The following DGKG variants were observed in gnomAD, a reference collection of about 807,000 sequenced individuals.
DGKG encodes DAG kinase gamma.
DGKG carries 78 observed loss-of-function variants against 105.3 expected under a neutral mutation model. The ratio of observed to expected loss-of-function variants is 0.74; its 90% CI spans 0.62 to 0.89. The LOEUF is 0.89. DGKG is among the 40% of genes least tolerant of loss of function. DGKG has a pLI of 0.00. For synonymous variants in DGKG, 346 were observed against 367.1 expected, an observed-to-expected ratio of 0.94 and a Z score of 0.66; for missense variants, 958 against 1,020.1, an observed-to-expected ratio of 0.94 and a Z score of 0.83.
At chr3:186,177,133 A>G (rs1226136770) in intron 22 of DGKG, among the ~76,000 whole-genome samples, 2 of 152,116 alleles carry the variant, frequency 1.3e-5, no homozygotes, top group Non-Finnish European at 2.9e-5. Flanking sequence ...TAGTCTCCTC[A>G]CTGGCCTTGT....
At chr3:186,309,997 G>T (rs1016347945) in intron 2 of DGKG, among the ~76,000 whole-genome samples, 1 of 150,982 alleles carries the variant, frequency 6.6e-6, no homozygotes, top group African/African-American at 2.4e-5. Context: ...AGCCGGGCGC[G>T]GTGGCTCACG....
chr3:186,230,259 AAAAC>A lies in DGKG; in HGVS notation c.1826+12241_1826+12244del, dbSNP rs555305452. On this transcript the variant is annotated intron_variant, in intron 20 of 24. Transcript: ENST00000265022. ...GGCAACAGAGCGAGACTCCGTCTCAAAAACAAACAAACAAACAAACAAACAAAAC... is the reference window on the plus strand; with the variant it reads ...GGCAACAGAGCGAGACTCCGTCTCAAAAACAAACAAACAAACAAACAAAAC... Among the ~76,000 whole-genome samples, 417 of 152,306 alleles carry A rather than the reference AAAAC, an allele frequency of 2.7e-3. 1 individual carries two copies. The highest frequency in any genetic ancestry group is 6.8e-3 in the African/African-American group (283 of 41,568).
rs1428284383 is a variant in DGKG, at chr3:186,210,183, G to T, written c.1917+1612C>A. Among the ~76,000 whole-genome samples the T allele has an allele frequency of 6.6e-6, 1 of 152,216 alleles. No homozygotes were observed. Among genetic ancestry groups the T allele is most frequent in the Non-Finnish European group, 1.5e-5 (1 of 68,038 alleles). Reference sequence around the variant, plus strand: ...TCTGGGCACAATTTCAAGGCCAGCTGCAGGGAGAACAAGCAGTCGCTGTGC... The same window carrying T: ...TCTGGGCACAATTTCAAGGCCAGCTTCAGGGAGAACAAGCAGTCGCTGTGC... On this transcript the variant is annotated intron_variant, in intron 21 of 24. Transcript: ENST00000265022. This position sits in a 1 kb window ranked among gnomAD's most constrained non-coding sequence, Gnocchi z 5.2.
chr3:186,337,199 A>T (rs1725870465), intron 1 of DGKG, among the ~76,000 whole-genome samples: 1 of 152,336 alleles, frequency 6.6e-6, no homozygotes, highest in East Asian at 1.9e-4. Flanking sequence ...GACCAACCTC[A>T]TCTAAATAGA....
chr3:186,274,484 C>T (rs1722482214), intron 10 of DGKG, among the ~76,000 whole-genome samples: 1 of 151,110 alleles, frequency 6.6e-6, no homozygotes, highest in Non-Finnish European at 1.5e-5. Context: ...GTGTGCTACA[C>T]CCATTAACTC....
At chr3:186,213,185 C>A (rs1328646389) in intron 20 of DGKG, among the ~76,000 whole-genome samples, 6 of 152,194 alleles carry the variant, frequency 3.9e-5, no homozygotes, top group African/African-American at 1.4e-4. Flanking sequence ...TAAGAGTAAG[C>A]AAGCTCTGGG....
At position 186,159,047 on chromosome 3, in the gene DGKG, A is replaced by G. The variant is rs556103190; in HGVS notation, c.2277+2556T>C. On this transcript the variant is annotated intron_variant, in intron 24 of 24. Transcript: ENST00000265022. ...CATTTTAGATGTATCTTTTGTAAGA[A>G]GCATATATTTGGATTTTCATTTTTA... is the stretch of plus-strand genomic sequence containing the variant. 4 of 220,072 alleles carry G rather than the reference A, an allele frequency of 1.8e-5. No individual in the cohort carries two copies. The South Asian group carries it at 6.5e-4, about 36-fold the overall frequency. The allele number at this position is 220,072 out of a possible 1,614,324, so 13.6% of individuals were successfully genotyped here. A position where few individuals can be genotyped will look rare whatever the true frequency, so the allele number is the denominator to read the frequency against.
At chr3:186,335,175 G>A (rs528640308) in intron 1 of DGKG, among the ~76,000 whole-genome samples, 8 of 152,196 alleles carry the variant, frequency 5.3e-5, no homozygotes, top group African/African-American at 1.7e-4. Context: ...GGATTCAAGC[G>A]ATTCTCCTGC....
chr3:186,279,331 G>A (rs1722725965), intron 9 of DGKG: 1 of 152,472 alleles, frequency 6.6e-6, no homozygotes, highest in Non-Finnish European at 1.5e-5. Flanking sequence ...GCTCCTTAGG[G>A]TCAGAACCTC....
chr3:186,294,844 G>A (rs1268651060), intron 5 of DGKG, among the ~76,000 whole-genome samples: 3 of 152,166 alleles, frequency 2.0e-5, no homozygotes, highest in Non-Finnish European at 4.4e-5. Context: ...TGCTGGGCAG[G>A]GCATGGACGA....
intron 24 of DGKG, chr3:186,158,027 C>T (rs919196587): frequency 7.3e-5 from 20 of 272,576 alleles, no homozygotes; most frequent in Non-Finnish European, 9.5e-5. Flanking sequence ...AATAAAGCCA[C>T]GGACACAGTT....
At chr3:186,160,307 G>T (rs1716232318) in intron 24 of DGKG, 4 of 985,318 alleles carry the variant, frequency 4.1e-6, no homozygotes, top group Non-Finnish European at 4.8e-6. Flanking sequence ...ACTGAACCAG[G>T]TAGGAGAGGG....
chr3:186,278,275 T>A (rs1321065395), intron 9 of DGKG, among the ~76,000 whole-genome samples: 1 of 151,728 alleles, frequency 6.6e-6, no homozygotes, highest in Non-Finnish European at 1.5e-5. Context: ...AAAAAAATGG[T>A]GTTTTGGAAC....
intron 1 of DGKG, among the ~76,000 whole-genome samples, chr3:186,327,214 C>T (rs1024681837): frequency 1.3e-5 from 2 of 152,024 alleles, no homozygotes; most frequent in African/African-American, 4.8e-5. Flanking sequence ...TCCCTCATTC[C>T]TCTTACTCTT....
At chr3:186,318,797 T>A (rs1290630076) in intron 2 of DGKG, among the ~76,000 whole-genome samples, 1 of 152,180 alleles carries the variant, frequency 6.6e-6, no homozygotes, top group Admixed American at 6.6e-5. Context: ...CTCCCAGAAC[T>A]TTGAGACTAT....
At chr3:186,230,615 C>T (rs747243408) in intron 20 of DGKG, among the ~76,000 whole-genome samples, 4 of 152,062 alleles carry the variant, frequency 2.6e-5, no homozygotes, top group Non-Finnish European at 5.9e-5. Flanking sequence ...AACAGGACCA[C>T]AAACGTGTCC....
intron 2 of DGKG, chr3:186,313,333 C>T (rs1227474541): frequency 5.6e-6 from 1 of 177,134 alleles, no homozygotes; most frequent in African/African-American, 2.4e-5. Context: ...TAAGAAAAGA[C>T]TTTATATAGA....
chr3:186,321,933 C>T (rs1359712323), intron 1 of DGKG, among the ~76,000 whole-genome samples: 1 of 152,202 alleles, frequency 6.6e-6, no homozygotes. Flanking sequence ...GCCAGCTCGA[C>T]TCTGCTCCTT....
chr3:186,208,865 G>A (rs1390594249), intron 21 of DGKG, among the ~76,000 whole-genome samples: 1 of 152,080 alleles, frequency 6.6e-6, no homozygotes, highest in Non-Finnish European at 1.5e-5. Context: ...CTGTTTATTG[G>A]GTTCCAAGCT....
Sources: gnomAD v4.1 joint callset for allele counts (sites outside exome capture counted in the v4.1 genomes callset) on GRCh38, gnomAD v4.1.1 for gene constraint, Gnocchi (gnomAD v3.1) non-coding constraint, MANE v1.5 for transcripts, NCBI Gene and HGNC (gene_info 2026-07-23, HGNC 2026-07-21) for gene names.